CLNK: variants seen among roughly 807,000 people sequenced by gnomAD.
CLNK encodes cytokine-dependent hematopoietic cell linker.
A neutral mutation model predicts 68.6 loss-of-function variants in CLNK; 74 were observed. The ratio of observed to expected loss-of-function variants is 1.08; its 90% CI spans 0.89 to 1.31. CLNK has a LOEUF of 1.31. CLNK is among the 50% of genes most tolerant of loss of function. The pLI, the probability that CLNK is intolerant of heterozygous loss-of-function variation, is 0.00. For missense variants in CLNK, 553 were observed against 515.3 expected (o/e 1.07, Z -0.71); for synonymous variants, 198 against 172.2 (o/e 1.15, Z -1.17).
chr4:10,543,852 T>C (rs560516201), intron 8 of CLNK, among the ~76,000 whole-genome samples: 2 of 152,354 alleles, frequency 1.3e-5, no homozygotes, highest in East Asian at 1.9e-4. Flanking sequence ...CAGAAATAAC[T>C]GATGTCCTTG....
At chr4:10,622,891 A>G (rs1208352440) in intron 2 of CLNK, among the ~76,000 whole-genome samples, 1 of 152,086 alleles carries the variant, frequency 6.6e-6, no homozygotes, top group Non-Finnish European at 1.5e-5. Flanking sequence ...CCACTTCCTT[A>G]CTTGGTAGAG....
chr4:10,640,161 T>TC (rs1187729858), intron 2 of CLNK, among the ~76,000 whole-genome samples: 3 of 152,094 alleles, frequency 2.0e-5, no homozygotes, highest in Non-Finnish European at 2.9e-5. Context: ...GACTAACATT[T>TC]TTTTTTTTTG....
chr4:10,588,186 C>T (rs566351710), intron 3 of CLNK, among the ~76,000 whole-genome samples: 6 of 152,280 alleles, frequency 3.9e-5, no homozygotes, highest in Admixed American at 1.3e-4. Flanking sequence ...GAGCATCCAA[C>T]GCAGGCGGCA....
intron 2 of CLNK, among the ~76,000 whole-genome samples, chr4:10,622,380 G>A (rs1429301674): frequency 1.3e-5 from 2 of 152,116 alleles, no homozygotes; most frequent in Admixed American, 6.5e-5. Context: ...TCTTGGGTTC[G>A]TTTAAAAATG....
chr4:10,661,337 G>A (rs560296118), intron 2 of CLNK, among the ~76,000 whole-genome samples: 2 of 152,256 alleles, frequency 1.3e-5, no homozygotes, highest in African/African-American at 4.8e-5. Context: ...ATTGTGCAAG[G>A]TTTCAAAGAG....
chr4:10,606,770 ATATATC>A (rs532513626), intron 2 of CLNK, among the ~76,000 whole-genome samples: 10 of 152,272 alleles, frequency 6.6e-5, no homozygotes, highest in African/African-American at 2.2e-4. Context: ...GACTGTATCT[ATATATC>A]TATATCTATA....
At chr4:10,644,259 T>C (rs1358702206) in intron 2 of CLNK, among the ~76,000 whole-genome samples, 1 of 152,238 alleles carries the variant, frequency 6.6e-6, no homozygotes, top group Admixed American at 6.5e-5. Flanking sequence ...AAGCTTTGCT[T>C]GTCTTGGTTA....
chr4:10,527,635 A>C (rs1485755728), intron 13 of CLNK, among the ~76,000 whole-genome samples: 1 of 152,230 alleles, frequency 6.6e-6, no homozygotes, highest in African/African-American at 2.4e-5. Flanking sequence ...GTTGGATTGC[A>C]TGCTTGCATA....
At chr4:10,697,819 C>T in the CLNK span, among the ~76,000 whole-genome samples, 6 of 152,254 alleles carry the variant, frequency 3.9e-5, no homozygotes, top group East Asian at 7.7e-4. Context: ...TCTACTCATT[C>T]GAACAATAGC....
intron 7 of CLNK, 103 bp from the exon 8 acceptor site, chr4:10,558,555 A>G: frequency 1.9e-6 from 2 of 1,072,012 alleles, no homozygotes; most frequent in Non-Finnish European, 2.9e-6. Context: ...TAAAGCCGTA[A>G]GTCCCTGGGC....
intron 8 of CLNK, among the ~76,000 whole-genome samples, chr4:10,544,321 G>C (rs1425456387): frequency 6.6e-6 from 1 of 152,180 alleles, no homozygotes; most frequent in Admixed American, 6.5e-5. Flanking sequence ...TTATTATTGA[G>C]CACATAGTAT....
chr4:10,566,748 C>T (rs182836089), intron 5 of CLNK, among the ~76,000 whole-genome samples: 6 of 152,150 alleles, frequency 3.9e-5, no homozygotes, highest in Non-Finnish European at 8.8e-5. Flanking sequence ...CTTTGGGAGG[C>T]TGAGGTAGGA....
intron 1 of CLNK, among the ~76,000 whole-genome samples, chr4:10,671,504 T>G (rs922274111): frequency 6.6e-6 from 1 of 152,200 alleles, no homozygotes; most frequent in African/African-American, 2.4e-5. Flanking sequence ...GAAACAGCTG[T>G]GCTCTACTCA....
At chr4:10,678,648 T>A (rs1471538599) in intron 1 of CLNK, among the ~76,000 whole-genome samples, 1 of 152,106 alleles carries the variant, frequency 6.6e-6, no homozygotes, top group Non-Finnish European at 1.5e-5. Flanking sequence ...GCCCAAAATC[T>A]CCTTAAGCTG....
intron 2 of CLNK, among the ~76,000 whole-genome samples, chr4:10,634,831 G>GA (rs33933109): frequency 0.99 from 151,138 of 151,972 alleles, 75,158 homozygotes; most frequent in Middle Eastern, 1. Flanking sequence ...ATCATTGCTG[G>GA]AAAAAAAATC....
intron 14 of CLNK, among the ~76,000 whole-genome samples, chr4:10,525,001 C>A (rs1045317786): frequency 2.0e-5 from 3 of 151,980 alleles, no homozygotes; most frequent in African/African-American, 7.3e-5. Flanking sequence ...TACTGGAGGC[C>A]CTGGATTTTG....
chr4:10,604,893 C>A (rs147632673), intron 2 of CLNK, among the ~76,000 whole-genome samples: 1 of 152,138 alleles, frequency 6.6e-6, no homozygotes, highest in Non-Finnish European at 1.5e-5. Context: ...CCAGTGTAGA[C>A]GTTGCTGTGA....
chr4:10,575,180 T>C (rs1720513351), intron 4 of CLNK, among the ~76,000 whole-genome samples: 1 of 152,176 alleles, frequency 6.6e-6, no homozygotes, highest in Non-Finnish European at 1.5e-5. Flanking sequence ...CCTATCTCCA[T>C]TGTCTGGAAT....
At chr4:10,516,360 T>C (rs140790572) in intron 15 of CLNK, among the ~76,000 whole-genome samples, 1,752 of 152,254 alleles carry the variant, frequency 0.012, 27 homozygotes, top group African/African-American at 0.04. Context: ...TTTGAAAGGA[T>C]GGGTTGCTTT....
Sources: gnomAD v4.1 joint callset for allele counts (sites outside exome capture counted in the v4.1 genomes callset) on GRCh38, gnomAD v4.1.1 for gene constraint, MANE v1.5 for transcripts, NCBI Gene and HGNC (gene_info 2026-07-23, HGNC 2026-07-21) for gene names.